The following HTR2A variants were observed in gnomAD, a reference collection of about 807,000 sequenced individuals.
HTR2A encodes 5-HT2 receptor.
Under a neutral mutation model 31.0 loss-of-function variants are expected in HTR2A, and 14 were observed. The ratio of observed to expected loss-of-function variants is 0.45; its 90% CI spans 0.30 to 0.71. The LOEUF is 0.71. Among genes scored for constraint, HTR2A ranks in the 30% least tolerant of loss-of-function variants. The pLI is 0.09. For synonymous variants in HTR2A, 209 were observed against 225.2 expected (o/e 0.93, Z 0.64); for missense variants, 442 against 573.3 (o/e 0.77, Z 2.34).
At chr13:46,853,859 T>C (rs1264851878) in intron 3 of HTR2A, 2 of 152,246 alleles carry the variant, frequency 1.3e-5, no homozygotes, top group African/African-American at 4.8e-5. Flanking sequence ...ATATATGGAC[T>C]TCATGACCGT....
rs373965804 is a variant in HTR2A, at chr13:46,861,470, G to A, written c.614-25831C>T. 2.0e-5 allele frequency among the ~76,000 whole-genome samples: 3 copies of A among 152,176 alleles called. No homozygotes were observed. In the South Asian group the frequency reaches 6.2e-4, roughly 31 times the overall value. On this transcript the variant is annotated intron_variant, in intron 3 of 3. Coordinates refer to ENST00000542664, the MANE Select transcript of HTR2A (RefSeq NM_000621.5). ...TGAGTGGAACCAGCTGTGGGCAAAG[G>A]AGTAAAGTTGCTTCTGGGATACAGT... is the stretch of plus-strand genomic sequence containing the variant.
At chr13:46,864,623 A>G (rs2138218551) in intron 3 of HTR2A, among the ~76,000 whole-genome samples, 1 of 152,274 alleles carries the variant, frequency 6.6e-6, no homozygotes, top group Non-Finnish European at 1.5e-5. Context: ...TTGCAAAACT[A>G]CTTCTTGTCA....
Position 46,896,065 on chromosome 13 carries a change from T to C in HTR2A, c.-159A>G. The C allele has an allele frequency of 7.1e-7, 1 of 1,399,726 alleles. No homozygotes were observed. Among genetic ancestry groups the C allele is most frequent in the Admixed American group, 3.2e-5 (1 of 31,110 alleles). 86.7% of individuals were successfully genotyped at this position (1,399,726 alleles called of 1,614,324 possible). On this transcript the variant is annotated 5_prime_UTR_variant, in exon 2 of 4. Coordinates refer to ENST00000542664, the MANE Select transcript of HTR2A (RefSeq NM_000621.5). ...TTTTTGTCTTCCATTATTACAATGA[T>C]AGTTAAAGAACTGAACTGTGGTGGC...
Position 46,832,943 on chromosome 13 carries a change from G to A in HTR2A, c.*1894C>T, listed in dbSNP as rs375708588. On this transcript the variant is annotated 3_prime_UTR_variant, in exon 4 of 4. Coordinates refer to ENST00000542664, the MANE Select transcript of HTR2A (RefSeq NM_000621.5). ...TAACCTTGAGTGTTATAATATCAAG[G>A]TGGATTAACTGTTGTTAATCTCTTT... The A allele has an allele frequency of 1.1e-3, 174 of 152,198 alleles. 1 individual carries two copies. The highest frequency in any genetic ancestry group is 4.0e-3 in the African/African-American group (168 of 41,522). 9.4% of individuals were successfully genotyped at this position (152,198 alleles called of 1,614,324 possible). A position where few individuals can be genotyped will look rare whatever the true frequency, so the allele number is the denominator to read the frequency against.
chr13:46,873,024 C>T (rs1213287001), intron 3 of HTR2A, among the ~76,000 whole-genome samples: 1 of 152,188 alleles, frequency 6.6e-6, no homozygotes, highest in Non-Finnish European at 1.5e-5. Flanking sequence ...GGGCGTGAGC[C>T]ACCGCACCCG....
At chr13:46,861,515 C>T (rs1167099986) in intron 3 of HTR2A, among the ~76,000 whole-genome samples, 1 of 152,148 alleles carries the variant, frequency 6.6e-6, no homozygotes, top group South Asian at 2.1e-4. Flanking sequence ...ATTGGAAAGG[C>T]CTGTTCTTAG....
At position 46,895,369 on chromosome 13, in the gene HTR2A, C is replaced by G. The variant is rs951116538; in HGVS notation, c.412+126G>C. On this transcript the variant is annotated intron_variant, in intron 2 of 3. Transcript: ENST00000542664. The surrounding 1 kb of genome is among the most constrained non-coding windows in gnomAD (Gnocchi z 4.4). ...TAAAATATAAGTAACATAGTAGGCT[C>G]TAGTCTATAAACAAAGACTTCTATT... is the stretch of plus-strand genomic sequence containing the variant. The G allele has an allele frequency of 2.6e-6, 2 of 782,822 alleles. No individual in the cohort carries two copies. The highest frequency in any genetic ancestry group is 4.0e-6 in the Non-Finnish European group (2 of 497,300). The allele number at this position is 782,822 out of a possible 1,614,324, so 48.5% of individuals were successfully genotyped here. A position where few individuals can be genotyped will look rare whatever the true frequency, so the allele number is the denominator to read the frequency against.
At chr13:46,864,785 G>C (rs953066196) in intron 3 of HTR2A, among the ~76,000 whole-genome samples, 3 of 152,118 alleles carry the variant, frequency 2.0e-5, no homozygotes, top group Admixed American at 6.5e-5. Context: ...TGTTTATCTA[G>C]AGAATGCCTA....
In HTR2A at chr13:46,896,703, C is replaced by T; in HGVS notation, c.-358G>A. The T allele has an allele frequency of 6.5e-7, 1 of 1,535,320 alleles. No homozygotes were observed. The highest frequency in any genetic ancestry group is 8.7e-7 in the Non-Finnish European group (1 of 1,145,692). The stretch of plus-strand genomic sequence containing the variant: ...GTCTTCAGGGTCCACACATGAGATA[C>T]ATTTGTTATTCTGTGACTCGCTGCA... On this transcript the variant is annotated 5_prime_UTR_variant, in exon 1 of 4. An upstream start codon of the reference 5' UTR is lost. Transcript: ENST00000542664.
At chr13:46,846,076 A>G (rs1342443077) in intron 3 of HTR2A, among the ~76,000 whole-genome samples, 1 of 152,178 alleles carries the variant, frequency 6.6e-6, no homozygotes, top group Non-Finnish European at 1.5e-5. Flanking sequence ...AACCTGCAGA[A>G]TATGTTTGGA....
At position 46,843,742 on chromosome 13, in the gene HTR2A, T is replaced by C. The variant is rs533383822; in HGVS notation, c.614-8103A>G. On this transcript the variant is annotated intron_variant, in intron 3 of 3. Coordinates refer to ENST00000542664, the MANE Select transcript of HTR2A (RefSeq NM_000621.5). ...TGGACCAATTTTGATGACTTTCCTT[T>C]CCCTGAAATGCTACACCAATGAGTA... is the stretch of plus-strand genomic sequence containing the variant. 1.7e-4 allele frequency among the ~76,000 whole-genome samples: 26 copies of C among 152,270 alleles called. No homozygotes were observed. The South Asian group carries it at 5.4e-3, about 32-fold the overall frequency.
At chr13:46,862,751 A>G (rs1355513422) in intron 3 of HTR2A, among the ~76,000 whole-genome samples, 2 of 152,222 alleles carry the variant, frequency 1.3e-5, no homozygotes, top group African/African-American at 2.4e-5. Context: ...GGTTCATATA[A>G]TAAAACCTTA....
chr13:46,856,668 T>G (rs550494269), intron 3 of HTR2A, among the ~76,000 whole-genome samples: 1 of 152,314 alleles, frequency 6.6e-6, no homozygotes, highest in South Asian at 2.1e-4. Context: ...CTCTTATGTA[T>G]GTACTTCTAT....
intron 3 of HTR2A, among the ~76,000 whole-genome samples, chr13:46,872,775 C>T (rs1950873395): frequency 6.6e-6 from 1 of 152,190 alleles, no homozygotes; most frequent in Non-Finnish European, 1.5e-5. Context: ...CTGCTCCAAT[C>T]CTAAACTGAT....
intron 3 of HTR2A, among the ~76,000 whole-genome samples, chr13:46,855,798 A>C (rs1051264181): frequency 6.6e-6 from 1 of 152,192 alleles, no homozygotes; most frequent in African/African-American, 2.4e-5. Flanking sequence ...AGATCAGCTG[A>C]TAGTAGGGCA....
chr13:46,889,438 G>A (rs1275455208), intron 3 of HTR2A, among the ~76,000 whole-genome samples: 6 of 152,028 alleles, frequency 3.9e-5, no homozygotes, highest in Admixed American at 3.9e-4. Flanking sequence ...TCAAAAACAT[G>A]TAATTTCTAC....
intron 3 of HTR2A, among the ~76,000 whole-genome samples, chr13:46,884,169 G>A (rs1252592437): frequency 2.0e-5 from 3 of 152,184 alleles, no homozygotes; most frequent in Admixed American, 6.5e-5. Context: ...GTGACAGGCC[G>A]GGTGAAGTGG....
intron 3 of HTR2A, among the ~76,000 whole-genome samples, chr13:46,846,340 G>A (rs1488320771): frequency 1.1e-4 from 17 of 152,094 alleles, no homozygotes; most frequent in Admixed American, 1.1e-3. Context: ...AGAGAAGAAT[G>A]TTCTACAGCC....
intron 3 of HTR2A, among the ~76,000 whole-genome samples, chr13:46,876,999 A>G (rs549917711): frequency 3.3e-5 from 5 of 152,304 alleles, no homozygotes; most frequent in African/African-American, 1.2e-4. Context: ...ATATAAGCCA[A>G]CTTCCCAGAG....
Sources: allele counts gnomAD v4.1 joint callset (sites outside exome capture counted in the v4.1 genomes callset), GRCh38; gene constraint gnomAD v4.1.1; non-coding constraint Gnocchi (gnomAD v3.1); transcripts MANE v1.5; gene names NCBI Gene and HGNC (gene_info 2026-07-23, HGNC 2026-07-21).